TMEM74: variants seen among roughly 807,000 people sequenced by gnomAD.
The protein encoded by TMEM74 is transmembrane protein 74.
In TMEM74, 13 loss-of-function variants were observed where a neutral mutation model predicts 18.1. That is an observed-to-expected ratio of 0.72 (90% CI 0.47 to 1.14). The LOEUF is 1.14. TMEM74 is among the 50% of genes most tolerant of loss of function. The pLI, the probability that TMEM74 is intolerant of heterozygous loss-of-function variation, is 0.00. For synonymous variants in TMEM74, 159 were observed against 146.6 expected (o/e 1.08, Z -0.61); for missense variants, 372 against 375.9 (o/e 0.99, Z 0.09).
At chr8:108,627,382 G>C (rs970783725) in intron 2 of TMEM74, among the ~76,000 whole-genome samples, 2 of 151,998 alleles carry the variant, frequency 1.3e-5, no homozygotes, top group African/African-American at 4.8e-5. Context: ...GAACAATACA[G>C]AAGGAATCCA....
intron 1 of TMEM74, among the ~76,000 whole-genome samples, chr8:108,711,637 A>G (rs1187668656): frequency 1.3e-5 from 2 of 152,120 alleles, no homozygotes; most frequent in Admixed American, 6.5e-5. Flanking sequence ...TGCAGTCTAG[A>G]AGTTTGGCAA....
intron 1 of TMEM74, among the ~76,000 whole-genome samples, chr8:108,771,292 C>A (rs1225314720): frequency 6.6e-6 from 1 of 152,004 alleles, no homozygotes; most frequent in Non-Finnish European, 1.5e-5. Flanking sequence ...AACTACCTAC[C>A]TCATAGGGAA....
intron 2 of TMEM74, among the ~76,000 whole-genome samples, chr8:108,633,892 T>C (rs1497641): frequency 0.22 from 33,200 of 151,984 alleles, 3,660 homozygotes; most frequent in East Asian, 0.27. Context: ...TTTTAAGCAA[T>C]CAAGCATTAT....
At chr8:108,695,557 G>T (rs1813273676) in intron 1 of TMEM74, among the ~76,000 whole-genome samples, 1 of 152,156 alleles carries the variant, frequency 6.6e-6, no homozygotes, top group Non-Finnish European at 1.5e-5. Flanking sequence ...ACAATATGCA[G>T]GTAAGTCGTG....
chr8:108,692,843 A>T (rs1813244481), intron 1 of TMEM74, among the ~76,000 whole-genome samples: 1 of 152,198 alleles, frequency 6.6e-6, no homozygotes, highest in Admixed American at 6.6e-5. Flanking sequence ...TGTTAGTCAA[A>T]ATGTTAATAT....
At chr8:108,703,463 C>G (rs1159098204) in intron 1 of TMEM74, among the ~76,000 whole-genome samples, 1 of 152,006 alleles carries the variant, frequency 6.6e-6, no homozygotes, top group East Asian at 1.9e-4. Context: ...GTATATGTAT[C>G]AAGTGTTTGA....
chr8:108,639,356 T>C (rs1812639197), intron 2 of TMEM74, among the ~76,000 whole-genome samples: 1 of 152,134 alleles, frequency 6.6e-6, no homozygotes, highest in South Asian at 2.1e-4. Context: ...CTCATGAGCT[T>C]AACCACATGC....
At position 108,781,677 on chromosome 8, in the gene TMEM74, T is replaced by C. The variant is rs1814308685; in HGVS notation, c.*2504A>G. Among the ~76,000 whole-genome samples the C allele has an allele frequency of 6.6e-6, 1 of 152,198 alleles. No individual in the cohort carries two copies. The highest frequency in any genetic ancestry group is 6.5e-5 in the Admixed American group (1 of 15,276). Reference sequence around the variant, plus strand: ...GATTTAAATAATGTTGAAGTGTGCATTTACTTACCACATTTCGATTTTAAA... The same window carrying C: ...GATTTAAATAATGTTGAAGTGTGCACTTACTTACCACATTTCGATTTTAAA... On this transcript the variant is annotated 3_prime_UTR_variant, in exon 2 of 2. Transcript: ENST00000297459.
chr8:108,692,699 CCCAA>C (rs745533031), intron 1 of TMEM74, among the ~76,000 whole-genome samples: 35 of 152,184 alleles, frequency 2.3e-4, no homozygotes, highest in Non-Finnish European at 4.1e-4. Context: ...GCAAAAAACC[CCCAA>C]CCAATCAACA....
intron 2 of TMEM74, among the ~76,000 whole-genome samples, chr8:108,652,092 G>T (rs1233282803): frequency 6.8e-6 from 1 of 147,764 alleles, no homozygotes; most frequent in East Asian, 2.1e-4. Flanking sequence ...TTGGATTTTT[G>T]CTAGAAAGAA....
At chr8:108,666,350 T>G (rs1187309989) in intron 1 of TMEM74, among the ~76,000 whole-genome samples, 2 of 152,190 alleles carry the variant, frequency 1.3e-5, no homozygotes, top group East Asian at 3.8e-4. Flanking sequence ...GTGATTACAG[T>G]GCACGTGTTG....
chr8:108,727,839 C>A (rs986176077), intron 1 of TMEM74, among the ~76,000 whole-genome samples: 1 of 152,074 alleles, frequency 6.6e-6, no homozygotes, highest in Admixed American at 6.6e-5. Context: ...AATAGTCCAG[C>A]AAAGGAGACT....
rs533635978 is a variant in TMEM74, at chr8:108,652,998, T to G, written n.264+2295A>C. ...TTTATTTCCTCTGGAAAGCCTTGTG[T>G]TCCCGACTCCTAACTTAGAATACAC... On this transcript the variant is annotated intron_variant and non_coding_transcript_variant, in intron 2 of 3. Transcript: ENST00000518838. The G allele has an allele frequency of 2.7e-4, 61 of 222,354 alleles. 1 individual carries two copies. Among genetic ancestry groups the G allele is most frequent in the Admixed American group, 1.1e-3 (21 of 18,446 alleles). 13.8% of individuals were successfully genotyped at this position (222,354 alleles called of 1,614,324 possible).
At chr8:108,637,644 G>C (rs1239504539) in intron 2 of TMEM74, among the ~76,000 whole-genome samples, 1 of 152,108 alleles carries the variant, frequency 6.6e-6, no homozygotes, top group Admixed American at 6.6e-5. Context: ...CAGATGGTAT[G>C]GAACAGCTGA....
chr8:108,744,430 A>G (rs915151766), intron 1 of TMEM74, among the ~76,000 whole-genome samples: 2 of 152,188 alleles, frequency 1.3e-5, no homozygotes, highest in Non-Finnish European at 2.9e-5. Context: ...TGTTTTTACT[A>G]AGAGATTTTT....
downstream of TMEM74, among the ~76,000 whole-genome samples, chr8:108,777,513 C>G (rs531754409): frequency 6.6e-6 from 1 of 152,202 alleles, no homozygotes; most frequent in African/African-American, 2.4e-5. Context: ...TACCTAAAAG[C>G]AAAATAGTGA....
chr8:108,662,833 C>A (rs1182938507), intron 1 of TMEM74, among the ~76,000 whole-genome samples: 6 of 152,082 alleles, frequency 3.9e-5, no homozygotes, highest in Non-Finnish European at 7.4e-5. Context: ...CCAATCCTTG[C>A]AGACCTGGTT....
In TMEM74 at chr8:108,691,317, C is replaced by T. The variant is rs544022554; in HGVS notation, n.120-35880G>A. Among the ~76,000 whole-genome samples, 9 of 152,256 alleles carry T rather than the reference C, an allele frequency of 5.9e-5. No individual in the cohort carries two copies. In the South Asian group the frequency reaches 1.0e-3, roughly 18 times the overall value. On this transcript the variant is annotated intron_variant and non_coding_transcript_variant, in intron 1 of 3. Coordinates refer to the TMEM74 transcript ENST00000518838. ...GCAGTCAGACGAGCAGCACCTAAAC[C>T]GGGAGCTTGTGAAAGAAAACTGCCA... is the stretch of plus-strand genomic sequence containing the variant.
Position 108,607,692 on chromosome 8 carries a change from C to A in TMEM74, n.413G>T, listed in dbSNP as rs151335203. 7.6e-4 allele frequency: 116 copies of A among 152,292 alleles called. 4 individuals are homozygous for A. Among genetic ancestry groups the A allele is most frequent in the African/African-American group, 2.7e-3 (113 of 41,572 alleles). 9.4% of individuals were successfully genotyped at this position (152,292 alleles called of 1,614,324 possible). A position where few individuals can be genotyped will look rare whatever the true frequency, so the allele number is the denominator to read the frequency against. ...GTCGAACTTCTTAAGACACTTATGA[C>A]GTTTTCAGTTTGGCTCTTCACTTTC... On this transcript the variant is annotated non_coding_transcript_exon_variant, in exon 4 of 4. Transcript: ENST00000518838.
Sources: gnomAD v4.1 joint callset for allele counts (sites outside exome capture counted in the v4.1 genomes callset) on GRCh38, gnomAD v4.1.1 for gene constraint, MANE v1.5 for transcripts, NCBI Gene and HGNC (gene_info 2026-07-23, HGNC 2026-07-21) for gene names.